The following SDCBP2 variants were observed in gnomAD, a reference collection of about 807,000 sequenced individuals.
The protein encoded by SDCBP2 is syntenin-2.
Under a neutral mutation model 30.7 loss-of-function variants are expected in SDCBP2, and 28 were observed. The observed-to-expected ratio is 0.91, with a 90% CI of 0.68 to 1.25. The LOEUF is 1.25. SDCBP2 is among the 50% of genes most tolerant of loss of function. SDCBP2 has a pLI of 0.00. For synonymous variants in SDCBP2, 166 were observed against 157.3 expected, an observed-to-expected ratio of 1.06 and a Z score of -0.41; for missense variants, 399 against 379.0, an observed-to-expected ratio of 1.05 and a Z score of -0.44.
In SDCBP2 at chr20:1,321,187, T is replaced by G. The variant is rs2088846277; in HGVS notation, c.-19-752A>C. 6.6e-6 allele frequency: 1 copy of G among 152,448 alleles called. No homozygotes were observed. Among genetic ancestry groups the G allele is most frequent in the Non-Finnish European group, 1.5e-5 (1 of 68,230 alleles). The allele number at this position is 152,448 out of a possible 1,614,324, so 9.4% of individuals were successfully genotyped here. On this transcript the variant is annotated intron_variant, in intron 1 of 8. Coordinates refer to ENST00000360779, the MANE Select transcript of SDCBP2 (RefSeq NM_080489.5). This position sits in a 1 kb window ranked among gnomAD's most constrained non-coding sequence, Gnocchi z 5.2. ...ACTCGCCACTTGTCCTGACTGCAGT[T>G]CTGAGGGGTAAAGGTGTGTCCTATT... is the stretch of plus-strand genomic sequence containing the variant.
At position 1,310,398 on chromosome 20, in the gene SDCBP2, G is replaced by A; in HGVS notation, c.*43C>T. ...CGAGGGTGGTTGCCCTTTGCTGCAG[G>A]AGGGCGGGAAGCCCCCCCTGCCTGC... On this transcript the variant is annotated 3_prime_UTR_variant, in exon 9 of 9. Transcript: ENST00000360779. 1.2e-6 allele frequency: 2 copies of A among 1,600,338 alleles called. No homozygotes were observed. The highest frequency in any genetic ancestry group is 1.7e-6 in the Non-Finnish European group (2 of 1,169,684).
Position 1,310,318 on chromosome 20 carries a change from G to GC in SDCBP2, c.*122dup, listed in dbSNP as rs1346705992. 14 of 968,336 alleles carry GC rather than the reference G, an allele frequency of 1.4e-5. No individual in the cohort carries two copies. Among genetic ancestry groups the GC allele is most frequent in the African/African-American group, 9.7e-5 (6 of 62,040 alleles). 60.0% of individuals were successfully genotyped at this position (968,336 alleles called of 1,614,324 possible). A position where few individuals can be genotyped will look rare whatever the true frequency, so the allele number is the denominator to read the frequency against. ...ATCCCATGGTCACCCTCCTGGACAC[G>GC]CCCCCCTCATGGCAGCCCCCACCTT... On this transcript the variant is annotated 3_prime_UTR_variant, in exon 9 of 9. Coordinates refer to ENST00000360779, the MANE Select transcript of SDCBP2 (RefSeq NM_080489.5).
chr20:1,326,292 C>T (rs543742964), intron 1 of SDCBP2, among the ~76,000 whole-genome samples: 1 of 152,338 alleles, frequency 6.6e-6, no homozygotes, highest in East Asian at 1.9e-4. Flanking sequence ...CACCCATGGG[C>T]TATGTCAGAA....
At chr20:1,318,702 C>G (rs1600281717) in intron 3 of SDCBP2, among the ~76,000 whole-genome samples, 1 of 152,160 alleles carries the variant, frequency 6.6e-6, no homozygotes, top group East Asian at 1.9e-4. Flanking sequence ...CGAATGGTTC[C>G]CACCAGGACT....
chr20:1,310,793 G>C lies in SDCBP2; in HGVS notation c.824+7C>G. On this transcript the variant is annotated splice_region_variant and intron_variant, in intron 8 of 8. Coordinates refer to ENST00000360779, the MANE Select transcript of SDCBP2 (RefSeq NM_080489.5). Reference sequence around the variant, plus strand: ...GTGAGGAGGGGTGAGGAGGGGTGCAGCCTTACTTTTTGACCATGTGCTCGT... The same window carrying C: ...GTGAGGAGGGGTGAGGAGGGGTGCACCCTTACTTTTTGACCATGTGCTCGT... The C allele has an allele frequency of 1.2e-6, 2 of 1,609,852 alleles. No homozygotes were observed. The highest frequency in any genetic ancestry group is 4.5e-5 in the East Asian group (2 of 44,796).
At position 1,320,654 on chromosome 20, in the gene SDCBP2, T is replaced by A; in HGVS notation, c.-19-219A>T. ...CTCCAGCCTCACTGTCAACTTTTAA[T>A]CTTGGCCACAATGAAGTAAGACCAG... On this transcript the variant is annotated intron_variant, in intron 1 of 8. Transcript: ENST00000360779. This position sits in a 1 kb window ranked among gnomAD's most constrained non-coding sequence, Gnocchi z 4.7. 2.4e-6 allele frequency: 1 copy of A among 421,896 alleles called. No homozygotes were observed. The highest frequency in any genetic ancestry group is 4.3e-6 in the Non-Finnish European group (1 of 234,122). 26.1% of individuals were successfully genotyped at this position (421,896 alleles called of 1,614,324 possible). A position where few individuals can be genotyped will look rare whatever the true frequency, so the allele number is the denominator to read the frequency against.
intron 1 of SDCBP2, among the ~76,000 whole-genome samples, chr20:1,326,733 T>C (rs138389925): frequency 2.0e-4 from 30 of 152,364 alleles, no homozygotes; most frequent in African/African-American, 6.7e-4. Context: ...ATTTCCTAGG[T>C]TGGATTTCCA....
Position 1,320,253 on chromosome 20 carries a change from T to A in SDCBP2, c.54+110A>T. 2 of 937,268 alleles carry A rather than the reference T, an allele frequency of 2.1e-6. No individual in the cohort carries two copies. Among genetic ancestry groups the A allele is most frequent in the East Asian group, 2.4e-5 (1 of 41,436 alleles). The allele number at this position is 937,268 out of a possible 1,614,324, so 58.1% of individuals were successfully genotyped here. Reference sequence around the variant, plus strand: ...GCAGGCCCTGCAGTGGACACCTACATGCCCTGAGGCCTACGGGAATCTCCA... The same window carrying A: ...GCAGGCCCTGCAGTGGACACCTACAAGCCCTGAGGCCTACGGGAATCTCCA... On this transcript the variant is annotated intron_variant, in intron 2 of 8. Coordinates refer to ENST00000360779, the MANE Select transcript of SDCBP2 (RefSeq NM_080489.5). The surrounding 1 kb of genome is among the most constrained non-coding windows in gnomAD (Gnocchi z 4.7).
intron 4 of SDCBP2, among the ~76,000 whole-genome samples, chr20:1,315,103 TTA>T (rs1367837703): frequency 3.3e-5 from 5 of 152,350 alleles, no homozygotes; most frequent in African/African-American, 1.2e-4. Flanking sequence ...TCAAGACTTA[TTA>T]TATATAGCTA....
chr20:1,311,683 G>C (rs941680725), intron 7 of SDCBP2, among the ~76,000 whole-genome samples: 4 of 152,170 alleles, frequency 2.6e-5, no homozygotes, highest in Non-Finnish European at 4.4e-5. Flanking sequence ...CAAGAAGTGT[G>C]GCTGGCTGGG....
chr20:1,320,248 C>T lies in SDCBP2; in HGVS notation c.54+115G>A, dbSNP rs6078620. 1 of 895,212 alleles carries T rather than the reference C, an allele frequency of 1.1e-6. No homozygotes were observed. Among genetic ancestry groups the T allele is most frequent in the Non-Finnish European group, 1.8e-6 (1 of 568,272 alleles). The allele number at this position is 895,212 out of a possible 1,614,324, so 55.5% of individuals were successfully genotyped here. On this transcript the variant is annotated intron_variant, in intron 2 of 8. Coordinates refer to ENST00000360779, the MANE Select transcript of SDCBP2 (RefSeq NM_080489.5). The surrounding 1 kb of genome is among the most constrained non-coding windows in gnomAD (Gnocchi z 4.7). ...GCCCAGCAGGCCCTGCAGTGGACACCTACATGCCCTGAGGCCTACGGGAAT... is the reference window on the plus strand; with the variant it reads ...GCCCAGCAGGCCCTGCAGTGGACACTTACATGCCCTGAGGCCTACGGGAAT...
chr20:1,312,578 G>T lies in SDCBP2; in HGVS notation c.560+9C>A, dbSNP rs1175382610. On this transcript the variant is annotated intron_variant, in intron 6 of 8. Coordinates refer to ENST00000360779, the MANE Select transcript of SDCBP2 (RefSeq NM_080489.5). ...GAGACGGAGAGGCTGCCCGGGCCTG[G>T]CTACTCACCTGTCCCGAACCACCAC... The T allele has an allele frequency of 6.2e-7, 1 of 1,613,308 alleles. No homozygotes were observed. Among genetic ancestry groups the T allele is most frequent in the African/African-American group, 1.3e-5 (1 of 74,888 alleles).
chr20:1,311,166 G>A (rs890050003), intron 7 of SDCBP2: 15 of 396,414 alleles, frequency 3.8e-5, no homozygotes, highest in Non-Finnish European at 5.5e-5. Context: ...GAAGGCCAGC[G>A]GTGTGAGCCT....
rs777164481 is a variant in SDCBP2 at position 1,320,391 on chromosome 20, T to C, written c.26A>G (p.Glu9Gly). ...AATGGCTTGGTCCACTTTTAGGTCC[T>C]CTAGAGATGGGTACAGGGATGACAT... MSSLYPSLEDLKVDQAIQA... is the reference protein window; with the variant it reads MSSLYPSLGDLKVDQAIQA... Residue 9 changes from glutamate to glycine, a missense_variant, in exon 2 of 9, where the codon GAG becomes GGG. By Grantham distance (98) the Glu-to-Gly change is moderately conservative. Coordinates refer to ENST00000360779, the MANE Select transcript of SDCBP2 (RefSeq NM_080489.5). The surrounding 1 kb of genome is among the most constrained non-coding windows in gnomAD (Gnocchi z 4.7). The C allele has an allele frequency of 6.2e-7, 1 of 1,614,040 alleles. No homozygotes were observed.
At position 1,310,318 on chromosome 20, in the gene SDCBP2, GC is replaced by G. The variant is rs1346705992; in HGVS notation, c.*122del. On this transcript the variant is annotated 3_prime_UTR_variant, in exon 9 of 9. Coordinates refer to ENST00000360779, the MANE Select transcript of SDCBP2 (RefSeq NM_080489.5). ...ATCCCATGGTCACCCTCCTGGACAC[GC>G]CCCCCTCATGGCAGCCCCCACCTTA... The G allele has an allele frequency of 2.4e-5, 23 of 968,326 alleles. No individual in the cohort carries two copies. Among genetic ancestry groups the G allele is most frequent in the Non-Finnish European group, 3.2e-5 (20 of 624,344 alleles). The allele number at this position is 968,326 out of a possible 1,614,324, so 60.0% of individuals were successfully genotyped here.
At chr20:1,311,678 A>G (rs1174983376) in intron 7 of SDCBP2, among the ~76,000 whole-genome samples, 1 of 152,218 alleles carries the variant, frequency 6.6e-6, no homozygotes, top group African/African-American at 2.4e-5. Context: ...GATCTCAAGA[A>G]GTGTGGCTGG....
chr20:1,318,408 T>C lies in SDCBP2; in HGVS notation c.135A>G (p.Pro45=), dbSNP rs776686048. ...TATAATTTTCCAGTTCTGCCAAGTT[T>C]GGGTACAAAACTGATAGGGAAAGAA... ...TAISPPPVLY[P]NLAELENYMG... is the part of the protein sequence containing the mutation. The change falls in exon 4 of 9, where the codon CCA becomes CCG. Residue 45 remains proline (P), a synonymous_variant. Transcript: ENST00000360779. The C allele has an allele frequency of 6.2e-7, 1 of 1,600,302 alleles. No individual in the cohort carries two copies. Among genetic ancestry groups the C allele is most frequent in the South Asian group, 1.1e-5 (1 of 89,926 alleles).
chr20:1,313,421 C>T lies in SDCBP2; in HGVS notation c.303G>A (p.Glu101=), dbSNP rs2088715669. 1 of 1,605,660 alleles carries T rather than the reference C, an allele frequency of 6.2e-7. No individual in the cohort carries two copies. Among genetic ancestry groups the T allele is most frequent in the African/African-American group, 1.3e-5 (1 of 74,782 alleles). ...GGATCTCGCGCACCCCGGGCTTGAT[C>T]TCAGCTCGCCGCACGCCCAGGCTGT... The part of the protein sequence containing the change: ...TGYSLGVRRA[E]IKPGVREIHL... Residue 101 remains glutamate, a synonymous_variant, in exon 5 of 9, where the codon GAG becomes GAA. Transcript: ENST00000360779. This position sits in a 1 kb window ranked among gnomAD's most constrained non-coding sequence, Gnocchi z 5.2.
intron 7 of SDCBP2, chr20:1,311,098 G>A: frequency 2.0e-6 from 1 of 497,398 alleles, no homozygotes; most frequent in Non-Finnish European, 3.6e-6. Context: ...GAGAACATGG[G>A]TCTCCCACCT....
Sources: allele counts gnomAD v4.1 joint callset (sites outside exome capture counted in the v4.1 genomes callset), GRCh38; gene constraint gnomAD v4.1.1; non-coding constraint Gnocchi (gnomAD v3.1); transcripts MANE v1.5; gene names NCBI Gene and HGNC (gene_info 2026-07-23, HGNC 2026-07-21).